The following CABIN1 variants were observed in gnomAD, a reference collection of about 807,000 sequenced individuals.
CABIN1 encodes calcineurin binding protein 1, also known as calcineurin-binding protein cabin-1.
A neutral mutation model predicts 227.7 loss-of-function variants in CABIN1; 133 were observed. The ratio of observed to expected loss-of-function variants is 0.58; its 90% CI spans 0.51 to 0.67. The LOEUF (loss-of-function observed/expected upper bound fraction) is 0.67, where lower values mean the gene tolerates loss of function less well. Among genes scored for constraint, CABIN1 ranks in the 30% least tolerant of loss-of-function variants. The pLI is 0.00. For synonymous variants in CABIN1, 1,086 were observed against 1,155.1 expected (o/e 0.94, Z 1.21); for missense variants, 2,408 against 2,852.5 (o/e 0.84, Z 3.55).
At chr22:24,041,991 G>T (rs919944958) in intron 5 of CABIN1, among the ~76,000 whole-genome samples, 7 of 152,290 alleles carry the variant, frequency 4.6e-5, no homozygotes, top group Middle Eastern at 3.4e-3. Context: ...TCAGTCTGTT[G>T]CCCATGCTGG....
intron 34 of CABIN1, chr22:24,175,704 T>G: frequency 9.9e-6 from 3 of 302,394 alleles, no homozygotes; most frequent in Non-Finnish European, 1.9e-5. Context: ...CTTAGTTGGG[T>G]TGTTTGGATT....
At chr22:24,058,620 A>G (rs1172026586) in intron 10 of CABIN1, among the ~76,000 whole-genome samples, 1 of 152,166 alleles carries the variant, frequency 6.6e-6, no homozygotes, top group Non-Finnish European at 1.5e-5. Flanking sequence ...ACTCCCACCT[A>G]TCTATCCGCT....
chr22:24,134,799 C>T (rs367942191), intron 29 of CABIN1, among the ~76,000 whole-genome samples: 90 of 152,310 alleles, frequency 5.9e-4, no homozygotes, highest in Non-Finnish European at 1.1e-3. Flanking sequence ...AAGTGTGGGC[C>T]GGGCGCGGTG....
At chr22:24,157,474 C>T (rs1444175176) in intron 29 of CABIN1, among the ~76,000 whole-genome samples, 1 of 152,194 alleles carries the variant, frequency 6.6e-6, no homozygotes, top group African/African-American at 2.4e-5. Context: ...GTGCAAAGAG[C>T]ATGATAGGCT....
At chr22:24,016,042 T>G (rs369367900) in intron 1 of CABIN1, among the ~76,000 whole-genome samples, 1 of 152,146 alleles carries the variant, frequency 6.6e-6, no homozygotes, top group Non-Finnish European at 1.5e-5. Flanking sequence ...TACAATTGAG[T>G]GGTTTTTAGT....
At chr22:24,106,220 CCTTTGACCTGTGACCT>C (rs1366640788) in intron 26 of CABIN1, among the ~76,000 whole-genome samples, 5 of 152,224 alleles carry the variant, frequency 3.3e-5, no homozygotes, top group African/African-American at 1.2e-4. Flanking sequence ...AGAGAAGAAG[CCTTTGACCTGTGACCT>C]CTTCTCCCAG....
chr22:24,154,601 CT>C (rs1236924963), intron 29 of CABIN1, among the ~76,000 whole-genome samples: 1 of 152,218 alleles, frequency 6.6e-6, no homozygotes, highest in Non-Finnish European at 1.5e-5. Context: ...AGTGAATGAT[CT>C]CTAGGTAACC....
At chr22:24,043,871 A>G (rs572770647) in intron 6 of CABIN1, among the ~76,000 whole-genome samples, 10 of 152,370 alleles carry the variant, frequency 6.6e-5, no homozygotes, top group African/African-American at 1.7e-4. Context: ...CAGATAAATT[A>G]ATGTGCTTCC....
At chr22:24,037,307 G>C (rs567234296) in intron 3 of CABIN1, among the ~76,000 whole-genome samples, 89 of 150,174 alleles carry the variant, frequency 5.9e-4, no homozygotes, top group African/African-American at 2.1e-3. Flanking sequence ...ACCAGCTTTT[G>C]TTTGTTTATT....
At chr22:24,082,057 T>G (rs2040841155) in intron 19 of CABIN1, among the ~76,000 whole-genome samples, 1 of 150,738 alleles carries the variant, frequency 6.6e-6, no homozygotes, top group South Asian at 2.1e-4. Flanking sequence ...TGTTTTCTTC[T>G]CAGGTCTTCC....
chr22:24,031,551 A>G (rs531358355), intron 1 of CABIN1, among the ~76,000 whole-genome samples: 2 of 152,276 alleles, frequency 1.3e-5, no homozygotes, highest in Non-Finnish European at 2.9e-5. Context: ...ACAGTAAGAT[A>G]GTGGTGAAAA....
intron 6 of CABIN1, among the ~76,000 whole-genome samples, chr22:24,045,849 A>G (rs900533446): frequency 3.3e-5 from 5 of 152,194 alleles, no homozygotes; most frequent in East Asian, 1.9e-4. Context: ...GCCTTGCTCA[A>G]CCTTCTCACC....
In CABIN1 at chr22:24,101,491, A is replaced by G. The variant is rs565997844; in HGVS notation, c.4117+3299A>G. Among the ~76,000 whole-genome samples the G allele has an allele frequency of 1.1e-4, 16 of 152,330 alleles. No individual in the cohort carries two copies. The South Asian group carries it at 3.3e-3, about 32-fold the overall frequency. On this transcript the variant is annotated intron_variant, in intron 26 of 36. Transcript: ENST00000263119. Reference sequence around the variant, plus strand: ...CCTCAGGTCACTCTGACTCTACCGCAGCCTGGTGTCAAAGCCAGCCCTTCA... The same window carrying G: ...CCTCAGGTCACTCTGACTCTACCGCGGCCTGGTGTCAAAGCCAGCCCTTCA...
chr22:24,044,740 A>G (rs1460072646), intron 6 of CABIN1, among the ~76,000 whole-genome samples: 5 of 152,200 alleles, frequency 3.3e-5, no homozygotes, highest in African/African-American at 1.2e-4. Context: ...TTGCTACTTT[A>G]TAACAAGGAT....
Position 24,177,144 on chromosome 22 carries a change from G to C in CABIN1, c.6206-360G>C, listed in dbSNP as rs967170543. Among the ~76,000 whole-genome samples, 5 of 152,228 alleles carry C rather than the reference G, an allele frequency of 3.3e-5. No individual in the cohort carries two copies. Among genetic ancestry groups the C allele is most frequent in the Admixed American group, 6.5e-5 (1 of 15,292 alleles). On this transcript the variant is annotated intron_variant, in intron 35 of 36. Transcript: ENST00000263119. The surrounding 1 kb of genome is among the most constrained non-coding windows in gnomAD (Gnocchi z 4.4). ...GCTTCAGTGTCCTCCCTGGGGCATAGACACCAATAGGACATGCATCCTAGG... is the reference window on the plus strand; with the variant it reads ...GCTTCAGTGTCCTCCCTGGGGCATACACACCAATAGGACATGCATCCTAGG...
chr22:24,041,578 C>G (rs1225948556), intron 5 of CABIN1, among the ~76,000 whole-genome samples: 1 of 151,954 alleles, frequency 6.6e-6, no homozygotes, highest in Non-Finnish European at 1.5e-5. Context: ...AGGTCTACAC[C>G]AATATAGTGG....
At chr22:24,022,267 T>C (rs1287763736) in intron 1 of CABIN1, among the ~76,000 whole-genome samples, 1 of 152,224 alleles carries the variant, frequency 6.6e-6, no homozygotes, top group East Asian at 1.9e-4. Flanking sequence ...GGCACCCCTT[T>C]ACAGACACCT....
At chr22:24,092,098 A>C in intron 24 of CABIN1, 1 of 552,020 alleles carries the variant, frequency 1.8e-6, no homozygotes, top group African/African-American at 1.9e-5. Context: ...CCTCACTAAC[A>C]CAGGTTCTAA....
intron 8 of CABIN1, among the ~76,000 whole-genome samples, chr22:24,053,078 C>CTT (rs71184943): frequency 3.7e-4 from 49 of 131,268 alleles, no homozygotes; most frequent in Admixed American, 5.3e-4. Flanking sequence ...TTTCTTTTTT[C>CTT]TTTTTTTTTT....
Sources: gnomAD v4.1 joint callset for allele counts (sites outside exome capture counted in the v4.1 genomes callset) on GRCh38, gnomAD v4.1.1 for gene constraint, Gnocchi (gnomAD v3.1) non-coding constraint, MANE v1.5 for transcripts, NCBI Gene and HGNC (gene_info 2026-07-23, HGNC 2026-07-21) for gene names.